The following GPBP1L1 variants were observed in gnomAD, a reference collection of about 807,000 sequenced individuals.
GPBP1L1 encodes vasculin-like protein 1.
In GPBP1L1, 23 loss-of-function variants were observed where a neutral mutation model predicts 52.5. The ratio of observed to expected loss-of-function variants is 0.44; its 90% CI spans 0.32 to 0.62. The LOEUF (loss-of-function observed/expected upper bound fraction) is 0.62, where lower values mean the gene tolerates loss of function less well. GPBP1L1 is among the 20% of genes least tolerant of loss of function. The pLI, the probability that GPBP1L1 is intolerant of heterozygous loss-of-function variation, is 0.06. For synonymous variants in GPBP1L1, 243 were observed against 203.1 expected (o/e 1.20, Z -1.67); for missense variants, 596 against 579.3 (o/e 1.03, Z -0.30).
At chr1:45,667,843 G>T (rs530171991) in intron 2 of GPBP1L1, among the ~76,000 whole-genome samples, 33 of 152,242 alleles carry the variant, frequency 2.2e-4, no homozygotes, top group African/African-American at 7.7e-4. Flanking sequence ...CACCTCCTGG[G>T]TTCAAACAAT....
intron 2 of GPBP1L1, among the ~76,000 whole-genome samples, chr1:45,679,891 CAAAAAAAAA>C (rs61208985): frequency 1.7e-3 from 153 of 88,180 alleles, no homozygotes; most frequent in African/African-American, 3.3e-3. Flanking sequence ...CTTATCTATA[CAAAAAAAAA>C]AAAAAAAAAA....
At chr1:45,629,755 A>G (rs1374882894) in intron 11 of GPBP1L1, 77 bp from the exon 12 acceptor site, 4 of 994,688 alleles carry the variant, frequency 4.0e-6, no homozygotes, top group East Asian at 2.4e-5. Context: ...CTTTTCACAG[A>G]AAAGTTTTCT....
intron 6 of GPBP1L1, among the ~76,000 whole-genome samples, chr1:45,645,298 C>G (rs563383503): frequency 7.2e-5 from 11 of 152,252 alleles, no homozygotes; most frequent in African/African-American, 2.6e-4. Context: ...ATTTTTCACT[C>G]CAAAGCTAAA....
intron 2 of GPBP1L1, 23 bp from the exon 3 acceptor site, chr1:45,661,248 TA>T (rs1644943994): frequency 6.6e-6 from 1 of 152,052 alleles, no homozygotes; most frequent in Non-Finnish European, 1.5e-5. Context: ...AAACAAAACA[TA>T]AAATCACAGA....
intron 2 of GPBP1L1, among the ~76,000 whole-genome samples, chr1:45,667,584 C>T (rs1344826283): frequency 2.6e-5 from 4 of 152,212 alleles, no homozygotes; most frequent in African/African-American, 9.7e-5. Flanking sequence ...GCTTCAACCA[C>T]TCATTTTCTC....
chr1:45,671,797 C>T lies in GPBP1L1; in HGVS notation c.-1097-10572G>A, dbSNP rs181966284. 3.7e-3 allele frequency among the ~76,000 whole-genome samples: 562 copies of T among 152,014 alleles called. 4 individuals are homozygous for T. Among genetic ancestry groups the T allele is most frequent in the African/African-American group, 0.013 (531 of 41,486 alleles). On this transcript the variant is annotated intron_variant, in intron 2 of 12. Coordinates refer to ENST00000355105, the MANE Select transcript of GPBP1L1 (RefSeq NM_021639.5). The stretch of plus-strand genomic sequence containing the variant: ...AGAGATGGCATCACTGCACTCCAGG[C>T]CTGGGTGACAGAGCGAGACTCTGTC...
intron 5 of GPBP1L1, 60 bp from the exon 6 acceptor site, chr1:45,654,889 T>C: frequency 2.6e-6 from 4 of 1,520,764 alleles, no homozygotes; most frequent in Non-Finnish European, 3.6e-6. Flanking sequence ...GTTTACGGTA[T>C]TGGCCAAAGG....
At chr1:45,652,045 T>C (rs913298711) in intron 6 of GPBP1L1, among the ~76,000 whole-genome samples, 4 of 152,240 alleles carry the variant, frequency 2.6e-5, no homozygotes, top group African/African-American at 9.6e-5. Context: ...TTGTCAGCCA[T>C]GACACTACTA....
At chr1:45,630,669 C>A in intron 10 of GPBP1L1, 63 bp from the exon 11 acceptor site, 1 of 1,571,902 alleles carries the variant, frequency 6.4e-7, no homozygotes. Flanking sequence ...TATAAGCAAC[C>A]TATGAAATCA....
At chr1:45,671,667 T>C (rs997153967) in intron 2 of GPBP1L1, among the ~76,000 whole-genome samples, 1 of 151,170 alleles carries the variant, frequency 6.6e-6, no homozygotes, top group African/African-American at 2.4e-5. Context: ...ACAAAGAAAA[T>C]ACAAAAATCA....
chr1:45,631,206 TAAAAG>T (rs1186256439), intron 10 of GPBP1L1, among the ~76,000 whole-genome samples: 1 of 152,102 alleles, frequency 6.6e-6, no homozygotes, highest in Non-Finnish European at 1.5e-5. Context: ...AAGGATAACA[TAAAAG>T]AAAACTTAGA....
chr1:45,673,587 C>A (rs1473001162), intron 2 of GPBP1L1, among the ~76,000 whole-genome samples: 1 of 152,162 alleles, frequency 6.6e-6, no homozygotes, highest in Admixed American at 6.6e-5. Context: ...TTCGGCTGGG[C>A]GCGGTGGCTC....
intron 2 of GPBP1L1, among the ~76,000 whole-genome samples, chr1:45,667,064 T>C (rs1645018776): frequency 6.6e-6 from 1 of 152,178 alleles, no homozygotes; most frequent in African/African-American, 2.4e-5. Context: ...GACTGCTTAA[T>C]ATAGATGAAA....
chr1:45,660,464 G>A lies in GPBP1L1; in HGVS notation c.-336C>T. ...TATTTGTTACATTTAAAAAGGGGGGGAAGGGGAAAGAGCTGTATCTATGTT... is the reference window on the plus strand; with the variant it reads ...TATTTGTTACATTTAAAAAGGGGGGAAAGGGGAAAGAGCTGTATCTATGTT... On this transcript the variant is annotated 5_prime_UTR_variant, in exon 3 of 13. Transcript: ENST00000355105. The A allele has an allele frequency of 1.0e-6, 1 of 974,714 alleles. No homozygotes were observed. The allele number at this position is 974,714 out of a possible 1,614,324, so 60.4% of individuals were successfully genotyped here. A position where few individuals can be genotyped will look rare whatever the true frequency, so the allele number is the denominator to read the frequency against.
chr1:45,664,128 C>T (rs1227372466), intron 2 of GPBP1L1, among the ~76,000 whole-genome samples: 3 of 151,822 alleles, frequency 2.0e-5, no homozygotes, highest in Non-Finnish European at 2.9e-5. Context: ...GTCAGGAAAT[C>T]GAGACCATGG....
intron 6 of GPBP1L1, among the ~76,000 whole-genome samples, chr1:45,647,328 C>A (rs1264820261): frequency 6.6e-6 from 1 of 152,058 alleles, no homozygotes; most frequent in Non-Finnish European, 1.5e-5. Context: ...CCTTTCCTTT[C>A]GTCTCTACTA....
At chr1:45,649,464 T>C (rs1023007995) in intron 6 of GPBP1L1, among the ~76,000 whole-genome samples, 1 of 145,408 alleles carries the variant, frequency 6.9e-6, no homozygotes, top group Non-Finnish European at 1.5e-5. Context: ...CTTTTTTTTT[T>C]TTCATGGCCT....
chr1:45,672,967 T>C (rs1569874385), intron 2 of GPBP1L1, among the ~76,000 whole-genome samples: 1 of 152,092 alleles, frequency 6.6e-6, no homozygotes, highest in Non-Finnish European at 1.5e-5. Context: ...GACAACTCTT[T>C]TGAGAAGTGT....
At chr1:45,652,476 C>T (rs1179500363) in intron 6 of GPBP1L1, among the ~76,000 whole-genome samples, 1 of 152,184 alleles carries the variant, frequency 6.6e-6, no homozygotes, top group Non-Finnish European at 1.5e-5. Flanking sequence ...TTACTCCACA[C>T]TATTTCTTGT....
Sources: allele counts gnomAD v4.1 joint callset (sites outside exome capture counted in the v4.1 genomes callset), GRCh38; gene constraint gnomAD v4.1.1; transcripts MANE v1.5; gene names NCBI Gene and HGNC (gene_info 2026-07-23, HGNC 2026-07-21).